NAALADL2: variants seen among roughly 807,000 people sequenced by gnomAD.
NAALADL2 encodes the protein inactive N-acetylated-alpha-linked acidic dipeptidase-like protein 2.
In NAALADL2, 76 loss-of-function variants were observed where a neutral mutation model predicts 87.2. That is an observed-to-expected ratio of 0.87 (90% CI 0.72 to 1.05). The LOEUF is 1.05. NAALADL2 is among the 50% of genes least tolerant of loss of function. NAALADL2 has a pLI of 0.00. For synonymous variants in NAALADL2, 354 were observed against 331.0 expected (o/e 1.07, Z -0.75); for missense variants, 1,089 against 945.8 (o/e 1.15, Z -1.99).
chr3:174,538,583 T>C (rs1468508745), intron 1 of NAALADL2, among the ~76,000 whole-genome samples: 1 of 152,158 alleles, frequency 6.6e-6, no homozygotes, highest in Non-Finnish European at 1.5e-5. Flanking sequence ...CCTTTCTAGG[T>C]GTCTTTCCTG....
At chr3:175,737,149 A>G (rs1744606344) in intron 11 of NAALADL2, among the ~76,000 whole-genome samples, 157 bp from the exon 12 acceptor site, 2 of 152,222 alleles carry the variant, frequency 1.3e-5, no homozygotes, top group African/African-American at 4.8e-5. Flanking sequence ...AAAATTAAAT[A>G]AAGATTTAAA....
At chr3:175,111,435 T>C (rs545441381) in intron 2 of NAALADL2, among the ~76,000 whole-genome samples, 2 of 151,786 alleles carry the variant, frequency 1.3e-5, no homozygotes, top group South Asian at 4.1e-4. Flanking sequence ...GTTTAGTGTT[T>C]CTGAAATTCT....
At chr3:174,678,598 T>A (rs1255909987) in intron 2 of NAALADL2, among the ~76,000 whole-genome samples, 1 of 152,196 alleles carries the variant, frequency 6.6e-6, no homozygotes, top group Non-Finnish European at 1.5e-5. Context: ...ACTGAAACAT[T>A]TGAGTACTTT....
intron 2 of NAALADL2, among the ~76,000 whole-genome samples, chr3:175,108,664 C>G (rs1424229288): frequency 6.6e-6 from 1 of 151,926 alleles, no homozygotes; most frequent in Non-Finnish European, 1.5e-5. Context: ...TTTAAAAGCT[C>G]TAATTTATTA....
intron 2 of NAALADL2, among the ~76,000 whole-genome samples, chr3:174,639,067 G>C (rs951676533): frequency 2.0e-5 from 3 of 152,096 alleles, no homozygotes. Context: ...GTCATCTCTT[G>C]TCTCCCTCTG....
chr3:175,433,451 A>G (rs1718111873), intron 5 of NAALADL2, among the ~76,000 whole-genome samples: 1 of 152,022 alleles, frequency 6.6e-6, no homozygotes, highest in African/African-American at 2.4e-5. Context: ...GCATAGGGCT[A>G]TTTGAAGTCC....
intron 2 of NAALADL2, among the ~76,000 whole-genome samples, chr3:174,607,964 G>A (rs1286834966): frequency 5.9e-5 from 9 of 152,066 alleles, no homozygotes; most frequent in Admixed American, 2.6e-4. Context: ...ATAACAAACT[G>A]TCTCTCAGAC....
At chr3:175,534,698 G>C (rs1734567052) in intron 9 of NAALADL2, among the ~76,000 whole-genome samples, 2 of 151,094 alleles carry the variant, frequency 1.3e-5, no homozygotes, top group Admixed American at 6.6e-5. Context: ...AATTCAACTG[G>C]GTATTTAAAT....
At chr3:175,449,394 C>CTTT (rs1185888984) in intron 6 of NAALADL2, among the ~76,000 whole-genome samples, 2 of 48,528 alleles carry the variant, frequency 4.1e-5, no homozygotes, top group African/African-American at 1.1e-4. Flanking sequence ...TAATTTTCTT[C>CTTT]TTTTTTTTTT....
chr3:174,825,710 CTGTT>C (rs2109347388), intron 3 of NAALADL2, among the ~76,000 whole-genome samples: 1 of 152,290 alleles, frequency 6.6e-6, no homozygotes, highest in Admixed American at 6.5e-5. Flanking sequence ...CAAATTTTCG[CTGTT>C]TAATTGTTGA....
At chr3:175,317,101 C>T (rs986666909) in intron 4 of NAALADL2, among the ~76,000 whole-genome samples, 1 of 152,058 alleles carries the variant, frequency 6.6e-6, no homozygotes, top group East Asian at 1.9e-4. Flanking sequence ...TGATTACACC[C>T]TATTGCTTAA....
rs143260263 is a variant in NAALADL2, at chr3:175,045,659, C to G, written c.44-51131C>G. Among the ~76,000 whole-genome samples, 53 of 152,256 alleles carry G rather than the reference C, an allele frequency of 3.5e-4. No individual in the cohort carries two copies. In the East Asian group the frequency reaches 3.7e-3, roughly 11 times the overall value. ...CAGTATGATAATCTAATTATTATGT[C>G]AGTTCTGTTGCCTCTGAGTCACGCA... On this transcript the variant is annotated intron_variant, in intron 1 of 13. Transcript: ENST00000454872.
intron 1 of NAALADL2, among the ~76,000 whole-genome samples, chr3:174,495,111 T>G (rs983644874): frequency 6.6e-6 from 1 of 152,278 alleles, no homozygotes; most frequent in East Asian, 1.9e-4. Context: ...AGAAATTTTT[T>G]TAAATAACAG....
intron 9 of NAALADL2, among the ~76,000 whole-genome samples, chr3:175,523,276 A>G (rs555062916): frequency 6.6e-6 from 1 of 152,352 alleles, no homozygotes; most frequent in South Asian, 2.1e-4. Context: ...TAATGGATAG[A>G]GAGCAGAAAT....
In NAALADL2 at chr3:174,815,830, G is replaced by GTTT. The variant is rs10589968; in HGVS notation, c.-9+78109_-9+78111dup. On this transcript the variant is annotated intron_variant, in intron 3 of 3. Coordinates refer to the NAALADL2 transcript ENST00000434257. Reference sequence around the variant, plus strand: ...CTGAAAGCAGCTAAATTTGACTTTAGTTTTTTTTTTTTTTTTTTTTTTTTT... The same window carrying GTTT: ...CTGAAAGCAGCTAAATTTGACTTTAGTTTTTTTTTTTTTTTTTTTTTTTTTTTT... 1.7e-3 allele frequency among the ~76,000 whole-genome samples: 191 copies of GTTT among 115,152 alleles called. 5 individuals carry two copies. The highest frequency in any genetic ancestry group is 4.5e-3 in the African/African-American group (157 of 34,562). 75.5% of individuals were successfully genotyped at this position (115,152 alleles called of 152,430 possible).
chr3:174,530,893 C>G (rs1367091746), intron 1 of NAALADL2, among the ~76,000 whole-genome samples: 1 of 152,154 alleles, frequency 6.6e-6, no homozygotes, highest in Non-Finnish European at 1.5e-5. Context: ...GGAAGTGTGA[C>G]TTAAAATATT....
intron 6 of NAALADL2, among the ~76,000 whole-genome samples, chr3:175,463,039 A>T (rs914486583): frequency 1.8e-4 from 27 of 152,188 alleles, no homozygotes; most frequent in African/African-American, 6.5e-4. Context: ...AAATATTTTA[A>T]TCTATTTTTT....
intron 1 of NAALADL2, among the ~76,000 whole-genome samples, chr3:174,916,844 G>T (rs1197890096): frequency 6.6e-6 from 1 of 151,756 alleles, no homozygotes; most frequent in Non-Finnish European, 1.5e-5. Context: ...GAAACTACTT[G>T]TACCCCAAAA....
chr3:175,202,828 T>C (rs1371617319), intron 2 of NAALADL2, among the ~76,000 whole-genome samples: 4 of 152,028 alleles, frequency 2.6e-5, no homozygotes, highest in Admixed American at 6.5e-5. Flanking sequence ...GGTTCCTATG[T>C]CAATGAAGTT....
Sources: gnomAD v4.1 joint callset for allele counts (sites outside exome capture counted in the v4.1 genomes callset) on GRCh38, gnomAD v4.1.1 for gene constraint, MANE v1.5 for transcripts, NCBI Gene and HGNC (gene_info 2026-07-23, HGNC 2026-07-21) for gene names.